The following SMTN variants were observed in gnomAD, a reference collection of about 807,000 sequenced individuals.
SMTN encodes the protein smoothelin.
A neutral mutation model predicts 102.0 loss-of-function variants in SMTN; 58 were observed. The observed-to-expected ratio is 0.57, with a 90% CI of 0.46 to 0.71. The LOEUF (loss-of-function observed/expected upper bound fraction) is 0.71. Among genes scored for constraint, SMTN ranks in the 30% least tolerant of loss-of-function variants. The probability of loss-of-function intolerance (pLI) is 0.00; values close to 1 mark genes in which losing one functional copy is unlikely to be tolerated. For missense variants in SMTN, 1,185 were observed against 1,241.7 expected, an observed-to-expected ratio of 0.95 and a Z score of 0.69; for synonymous variants, 478 against 497.9, an observed-to-expected ratio of 0.96 and a Z score of 0.53.
chr22:31,074,631 A>AT (rs1361616878), intron 1 of SMTN, among the ~76,000 whole-genome samples: 2 of 152,012 alleles, frequency 1.3e-5, no homozygotes, highest in African/African-American at 4.8e-5. Flanking sequence ...CTCTACTAAA[A>AT]ATATATAACT....
intron 11 of SMTN, chr22:31,093,717 C>A: frequency 8.2e-7 from 1 of 1,222,584 alleles, no homozygotes; most frequent in Non-Finnish European, 1.2e-6. Flanking sequence ...TTGTGTCCGG[C>A]CTTGAGCCTG....
Position 31,091,174 on chromosome 22 carries a change from G to A in SMTN, c.1151G>A (p.Arg384Gln), listed in dbSNP as rs377094555. The change falls in exon 10 of 21, where the codon CGG (arginine) becomes CAG (glutamine). Residue 384 changes from arginine to glutamine, a missense_variant. Arg to Gln is a conservative substitution (Grantham distance 43). Coordinates refer to ENST00000333137, the MANE Select transcript of SMTN (RefSeq NM_134269.3). Reference sequence around the variant, plus strand: ...TCCTCCTCCAGCGGCTCCTCCTCTCGGGGCCCCAGTGATACCTCCTCCCGG... The same window carrying A: ...TCCTCCTCCAGCGGCTCCTCCTCTCAGGGCCCCAGTGATACCTCCTCCCGG... ...PASSSSGSSS[R>Q]GPSDTSSRFS... The A allele has an allele frequency of 2.0e-5, 33 of 1,613,302 alleles. No homozygotes were observed. Among genetic ancestry groups the A allele is most frequent in the Middle Eastern group, 3.3e-4 (2 of 6,082 alleles).
At chr22:31,092,411 G>A (rs2043204791) in intron 11 of SMTN, 3 of 467,250 alleles carry the variant, frequency 6.4e-6, no homozygotes, top group Admixed American at 2.4e-5. Flanking sequence ...CAGCAGCCTA[G>A]CAGGTGCCTT....
intron 19 of SMTN, 130 bp from the exon 20 acceptor site, chr22:31,100,755 T>TG: frequency 1.6e-6 from 1 of 612,344 alleles, no homozygotes. Flanking sequence ...TCTCTGTGTG[T>TG]GTGTGTGTAT....
In SMTN at chr22:31,091,827, C is replaced by A; in HGVS notation, c.1612C>A (p.Arg538=). 1 of 1,596,310 alleles carries A rather than the reference C, an allele frequency of 6.3e-7. No individual in the cohort carries two copies. Among genetic ancestry groups the A allele is most frequent in the Non-Finnish European group, 8.5e-7 (1 of 1,170,394 alleles). The change falls in exon 11 of 21, where the codon CGA becomes AGA. Residue 538 remains arginine (R), a synonymous_variant. Coordinates refer to ENST00000333137, the MANE Select transcript of SMTN (RefSeq NM_134269.3). ...CTTCAGCCATGCCCCCCCCAGTAGC[C>A]GAGGAGGCTGCAGCATCAAGGTGAG... is the stretch of plus-strand genomic sequence containing the variant. ...TSFSHAPPSS[R]GGCSIKMEAE...
chr22:31,102,143 C>T (rs940859346), intron 20 of SMTN: 1 of 152,212 alleles, frequency 6.6e-6, no homozygotes, highest in African/African-American at 2.4e-5. Context: ...TGTGGCATTT[C>T]CTCTCTGGTC....
In SMTN at chr22:31,095,615, G is replaced by C; in HGVS notation, c.1861+6G>C. On this transcript the variant is annotated splice_donor_region_variant and intron_variant, in intron 13 of 20. Transcript: ENST00000333137. The surrounding 1 kb of genome is among the most constrained non-coding windows in gnomAD (Gnocchi z 4.1). ...GCTCCGACAAAGGAAGAGAGGTAGA[G>C]AGCCAGTTGCCCTACCCTAGATCCA... The C allele has an allele frequency of 6.2e-7, 1 of 1,610,160 alleles. No individual in the cohort carries two copies. Among genetic ancestry groups the C allele is most frequent in the Non-Finnish European group, 8.5e-7 (1 of 1,178,280 alleles).
chr22:31,089,956 C>T lies in SMTN; in HGVS notation c.729C>T (p.Thr243=). The change falls in exon 7 of 21, where the codon ACC becomes ACT. Residue 243 remains threonine, a synonymous_variant. Transcript: ENST00000333137. ...AGCCACCCCCCAGCCCACCCAAGAC[C>T]ACCAGCCCTGAGCCTCAGGAGTCTC... ...SPEPPPSPPK[T]TSPEPQESPT... 1 of 1,600,028 alleles carries T rather than the reference C, an allele frequency of 6.2e-7. No individual in the cohort carries two copies. Among genetic ancestry groups the T allele is most frequent in the Non-Finnish European group, 8.5e-7 (1 of 1,173,174 alleles).
At chr22:31,103,632 C>T (rs543449949) in intron 20 of SMTN, 7 of 152,598 alleles carry the variant, frequency 4.6e-5, no homozygotes, top group East Asian at 1.9e-4. Context: ...GTGGTCCCCC[C>T]GAGCATGGCA....
chr22:31,068,547 G>T lies in SMTN; in HGVS notation c.-386+4360G>T, dbSNP rs181852772. On this transcript the variant is annotated intron_variant, in intron 1 of 3. Transcript: ENST00000422839. ...ATTAATTGCTCCCTAATTGCAAATT[G>T]GCTGCCTCCTTACTGGCTCCCACCC... 4.6e-3 allele frequency among the ~76,000 whole-genome samples: 704 copies of T among 152,176 alleles called. 7 individuals carry two copies. Among genetic ancestry groups the T allele is most frequent in the Non-Finnish European group, 8.1e-3 (551 of 68,000 alleles).
At chr22:31,072,791 ACT>A (rs1261445632) in intron 1 of SMTN, among the ~76,000 whole-genome samples, 2 of 148,756 alleles carry the variant, frequency 1.3e-5, no homozygotes, top group African/African-American at 5.0e-5. Flanking sequence ...ACAAGGTCTT[ACT>A]CTGTCACCCA....
At position 31,088,533 on chromosome 22, in the gene SMTN, A is replaced by G. The variant is rs747779505; in HGVS notation, c.221A>G (p.Glu74Gly). ...TGCAGCTCTCAGCAGCGGGAAGCTG[A>G]GCAGCGGGCTGCCCTGGCACGGCTG... ...NWLHSQQREA[E>G]QRAALARLAG... The change falls in exon 4 of 21, where the codon GAG becomes GGG. Residue 74 changes from glutamate to glycine, a missense_variant. Transcript: ENST00000333137. 1 of 1,613,632 alleles carries G rather than the reference A, an allele frequency of 6.2e-7. No homozygotes were observed.
At chr22:31,083,489 C>T in intron 2 of SMTN, 180 bp downstream of exon 2, 1 of 694,136 alleles carries the variant, frequency 1.4e-6, no homozygotes, top group Non-Finnish European at 2.3e-6. Context: ...GTGGCATGTG[C>T]CTGTCCATGC....
intron 2 of SMTN, among the ~76,000 whole-genome samples, chr22:31,086,010 C>T (rs2042672988): frequency 6.6e-6 from 1 of 152,216 alleles, no homozygotes; most frequent in Non-Finnish European, 1.5e-5. Flanking sequence ...CCCTCTGGGC[C>T]TCTTTACCCT....
At position 31,096,287 on chromosome 22, in the gene SMTN, G is replaced by C. The variant is rs186180626; in HGVS notation, c.1862-446G>C. 1.6e-3 allele frequency: 262 copies of C among 163,934 alleles called. 1 individual carries two copies. Among genetic ancestry groups the C allele is most frequent in the Non-Finnish European group, 3.0e-3 (230 of 76,408 alleles). The allele number at this position is 163,934 out of a possible 1,614,324, so 10.2% of individuals were successfully genotyped here. On this transcript the variant is annotated intron_variant, in intron 13 of 20. Coordinates refer to ENST00000333137, the MANE Select transcript of SMTN (RefSeq NM_134269.3). ...GATTGCTTCTCAGATCCCATCAATT[G>C]CTCCCTTCCTGGATCTAAATATTCC... is the stretch of plus-strand genomic sequence containing the variant.
In SMTN at chr22:31,095,759, C is replaced by G; in HGVS notation, c.1861+150C>G. Reference sequence around the variant, plus strand: ...AGACCCAGCAGTTCCCTTGGCTATTCCCTGCTGGATCCAGCTGCTCCTTCC... The same window carrying G: ...AGACCCAGCAGTTCCCTTGGCTATTGCCTGCTGGATCCAGCTGCTCCTTCC... On this transcript the variant is annotated intron_variant, in intron 13 of 20. Transcript: ENST00000333137. The surrounding 1 kb of genome is among the most constrained non-coding windows in gnomAD (Gnocchi z 4.1). The G allele has an allele frequency of 1.5e-6, 1 of 662,408 alleles. No individual in the cohort carries two copies. Among genetic ancestry groups the G allele is most frequent in the Non-Finnish European group, 2.6e-6 (1 of 388,950 alleles). The allele number at this position is 662,408 out of a possible 1,614,324, so 41.0% of individuals were successfully genotyped here. A position where few individuals can be genotyped will look rare whatever the true frequency, so the allele number is the denominator to read the frequency against.
At chr22:31,094,320 G>C (rs2043390457) in intron 11 of SMTN, among the ~76,000 whole-genome samples, 1 of 152,234 alleles carries the variant, frequency 6.6e-6, no homozygotes, top group Admixed American at 6.5e-5. Context: ...GGGCGAGGCA[G>C]GGGGAGGTGG....
intron 11 of SMTN, chr22:31,092,586 G>A: frequency 2.1e-6 from 1 of 468,390 alleles, no homozygotes; most frequent in South Asian, 1.5e-5. Context: ...GAGGTGAGAT[G>A]GCTAGACCAG....
At chr22:31,084,880 CG>C (rs1357708108) in intron 2 of SMTN, 1 of 1,108,026 alleles carries the variant, frequency 9.0e-7, no homozygotes, top group African/African-American at 1.7e-5. Flanking sequence ...CCCCGCGCGC[CG>C]GCCCGGCCCC....
Sources: gnomAD v4.1 joint callset for allele counts (sites outside exome capture counted in the v4.1 genomes callset) on GRCh38, gnomAD v4.1.1 for gene constraint, Gnocchi (gnomAD v3.1) non-coding constraint, MANE v1.5 for transcripts, NCBI Gene and HGNC (gene_info 2026-07-23, HGNC 2026-07-21) for gene names.